GAB4: variants seen among roughly 807,000 people sequenced by gnomAD.
The protein encoded by GAB4 is GRB2-associated-binding protein 4.
In GAB4, 26 loss-of-function variants were observed where a neutral mutation model predicts 51.3. That is an observed-to-expected ratio of 0.51 (90% CI 0.37 to 0.70). GAB4 has a LOEUF of 0.70. GAB4 is among the 30% of genes least tolerant of loss of function. The pLI, the probability that GAB4 is intolerant of heterozygous loss-of-function variation, is 0.00. For missense variants in GAB4, 759 were observed against 734.6 expected, an observed-to-expected ratio of 1.03 and a Z score of -0.38; for synonymous variants, 329 against 291.2, an observed-to-expected ratio of 1.13 and a Z score of -1.32.
chr22:16,962,890 GGTGGAA>G lies in GAB4; in HGVS notation c.1582-20_1582-15del. The G allele has an allele frequency of 6.2e-7, 1 of 1,606,692 alleles. No homozygotes were observed. Among genetic ancestry groups the G allele is most frequent in the Non-Finnish European group, 8.5e-7 (1 of 1,174,946 alleles). On this transcript the variant is annotated splice_polypyrimidine_tract_variant and intron_variant, in intron 9 of 9. Coordinates refer to ENST00000400588, the MANE Select transcript of GAB4 (RefSeq NM_001037814.1). ...GCCTATGGATGGCTGAGGGACAGAGGGTGGAAGTGGGAGTGGCAGTGTCTGTGAGTT... is the reference window on the plus strand; with the variant it reads ...GCCTATGGATGGCTGAGGGACAGAGGGTGGGAGTGGCAGTGTCTGTGAGTT...
At position 17,007,918 on chromosome 22, in the gene GAB4, A is replaced by G. The variant is rs539961153; in HGVS notation, c.174+23T>C. 5 of 1,451,046 alleles carry G rather than the reference A, an allele frequency of 3.4e-6. No homozygotes were observed. The African/African-American group carries it at 1.4e-4, about 40-fold the overall frequency. The allele number at this position is 1,451,046 out of a possible 1,614,324, so 89.9% of individuals were successfully genotyped here. On this transcript the variant is annotated intron_variant, in intron 1 of 9. Coordinates refer to ENST00000400588, the MANE Select transcript of GAB4 (RefSeq NM_001037814.1). ...CCAGACCCTCCGTGGCGCTCCTGGTACCGCCCCCACTGCCCCACTCACAAA... is the reference window on the plus strand; with the variant it reads ...CCAGACCCTCCGTGGCGCTCCTGGTGCCGCCCCCACTGCCCCACTCACAAA...
intron 1 of GAB4, among the ~76,000 whole-genome samples, chr22:17,003,313 C>T (rs1488896990): frequency 6.6e-6 from 1 of 152,196 alleles, no homozygotes; most frequent in Non-Finnish European, 1.5e-5. Flanking sequence ...CTGAACTCAG[C>T]TCTGGACCAA....
chr22:16,978,570 C>G (rs2060800601), intron 3 of GAB4, among the ~76,000 whole-genome samples: 1 of 152,116 alleles, frequency 6.6e-6, no homozygotes, highest in African/African-American at 2.4e-5. Context: ...AGCCCAGGAC[C>G]AGATGGATTC....
chr22:17,003,912 C>T (rs1341187215), intron 1 of GAB4, among the ~76,000 whole-genome samples: 2 of 151,846 alleles, frequency 1.3e-5, no homozygotes, highest in Non-Finnish European at 2.9e-5. Flanking sequence ...TTAGATAGAC[C>T]GCTAGCCAGA....
At chr22:16,966,400 C>T in intron 5 of GAB4, 36 bp from the exon 6 acceptor site, 1 of 1,588,066 alleles carries the variant, frequency 6.3e-7, no homozygotes, top group Non-Finnish European at 8.6e-7. Flanking sequence ...ACAGCTATCA[C>T]CAGCAAGAAC....
At chr22:16,996,291 A>G (rs182587729) in intron 1 of GAB4, among the ~76,000 whole-genome samples, 7 of 152,222 alleles carry the variant, frequency 4.6e-5, no homozygotes, top group African/African-American at 1.7e-4. Context: ...AAAGCCTCAA[A>G]GAAATATGGG....
chr22:16,986,634 C>A (rs1219984720), intron 3 of GAB4, among the ~76,000 whole-genome samples: 2 of 152,218 alleles, frequency 1.3e-5, no homozygotes, highest in African/African-American at 2.4e-5. Context: ...CGATGCCAAG[C>A]CTGTGCCATG....
At chr22:17,004,720 T>C (rs2123730399) in intron 1 of GAB4, among the ~76,000 whole-genome samples, 1 of 150,836 alleles carries the variant, frequency 6.6e-6, no homozygotes, top group South Asian at 2.1e-4. Flanking sequence ...ATAAACGTAA[T>C]CCGTCACATA....
At chr22:16,980,599 C>T (rs548049209) in intron 3 of GAB4, among the ~76,000 whole-genome samples, 11 of 152,254 alleles carry the variant, frequency 7.2e-5, no homozygotes, top group East Asian at 1.9e-4. Context: ...GACAGTGTGG[C>T]GATTCCTCGA....
chr22:16,974,771 C>T (rs113975395), intron 3 of GAB4, among the ~76,000 whole-genome samples: 4,636 of 152,266 alleles, frequency 0.03, 239 homozygotes, highest in African/African-American at 0.11. Flanking sequence ...GCGAGATCAA[C>T]GCAGAAGGTG....
At chr22:16,995,222 ACT>A (rs2060941744) in intron 1 of GAB4, among the ~76,000 whole-genome samples, 1 of 152,090 alleles carries the variant, frequency 6.6e-6, no homozygotes, top group Non-Finnish European at 1.5e-5. Flanking sequence ...GATGAGGATG[ACT>A]CTGCAAAGAT....
rs5992599 is a variant in GAB4, at chr22:16,964,820, C to T, written c.1422G>A (p.Thr474=). ...CTGAGTCTGTGTTGGTGATGCTCTG[C>T]GTGGAGATGGGGTGTTGGGAGGAGC... is the stretch of plus-strand genomic sequence containing the variant. The part of the protein sequence containing the change: ...DSSSSQHPIS[T]QSITNTDSED... Residue 474 remains threonine (T), a synonymous_variant, in exon 8 of 10, where the codon ACG becomes ACA. Coordinates refer to ENST00000400588, the MANE Select transcript of GAB4 (RefSeq NM_001037814.1). 6.1e-3 allele frequency: 9,806 copies of T among 1,613,884 alleles called. 589 individuals are homozygous for T. In the African/African-American group the frequency reaches 0.12, roughly 19 times the overall value.
chr22:16,977,348 C>CAA (rs201592274), intron 3 of GAB4, among the ~76,000 whole-genome samples: 24,060 of 112,142 alleles, frequency 0.21, 2,117 homozygotes, highest in East Asian at 0.46. Flanking sequence ...AAATGGAAAG[C>CAA]AAAAAAAAAA....
intron 1 of GAB4, among the ~76,000 whole-genome samples, chr22:16,992,554 T>C (rs550430801): frequency 2.0e-5 from 3 of 152,302 alleles, no homozygotes; most frequent in South Asian, 4.2e-4. Flanking sequence ...CCACTAAGCA[T>C]GGTGAGTTGA....
intron 3 of GAB4, 65 bp from the exon 4 acceptor site, chr22:16,970,258 G>A: frequency 6.3e-7 from 1 of 1,580,132 alleles, no homozygotes; most frequent in Non-Finnish European, 8.6e-7. Flanking sequence ...CAGGGAGGCA[G>A]GCGGGGAAGT....
intron 1 of GAB4, among the ~76,000 whole-genome samples, chr22:16,999,388 A>G (rs2060977008): frequency 6.6e-6 from 1 of 152,168 alleles, no homozygotes; most frequent in African/African-American, 2.4e-5. Flanking sequence ...TGTGTCCAGG[A>G]ATTTATCCAT....
intron 1 of GAB4, among the ~76,000 whole-genome samples, chr22:16,995,650 C>A (rs1478558793): frequency 6.6e-6 from 1 of 152,218 alleles, no homozygotes; most frequent in Non-Finnish European, 1.5e-5. Flanking sequence ...GCAGCCTCCA[C>A]TGGTGATACA....
intron 1 of GAB4, among the ~76,000 whole-genome samples, chr22:16,997,103 T>G (rs2060956447): frequency 6.6e-6 from 1 of 152,174 alleles, no homozygotes; most frequent in Admixed American, 6.5e-5. Context: ...GCAATAAACA[T>G]ACGTGTGCAT....
chr22:17,004,584 T>G (rs1422193236), intron 1 of GAB4, among the ~76,000 whole-genome samples: 3 of 152,204 alleles, frequency 2.0e-5, no homozygotes, highest in Non-Finnish European at 4.4e-5. Context: ...ACCACATGAT[T>G]ATCTCAATAG....
Sources: allele counts gnomAD v4.1 joint callset (sites outside exome capture counted in the v4.1 genomes callset), GRCh38; gene constraint gnomAD v4.1.1; transcripts MANE v1.5; gene names NCBI Gene and HGNC (gene_info 2026-07-23, HGNC 2026-07-21).